Variants in SUSD1 observed in about 807,000 individuals in gnomAD.
The protein encoded by SUSD1 is sushi domain-containing protein 1.
In SUSD1, 65 loss-of-function variants were observed where a neutral mutation model predicts 86.9. That is an observed-to-expected ratio of 0.75 (90% CI 0.61 to 0.92). The LOEUF (loss-of-function observed/expected upper bound fraction) is 0.92. SUSD1 is among the 40% of genes least tolerant of loss of function. The pLI, the probability that SUSD1 is intolerant of heterozygous loss-of-function variation, is 0.00. For synonymous variants in SUSD1, 346 were observed against 350.0 expected (o/e 0.99, Z 0.13); for missense variants, 850 against 929.7 (o/e 0.91, Z 1.11).
chr9:112,170,708 TATAG>T (rs1183204298), intron 1 of SUSD1, among the ~76,000 whole-genome samples: 1,732 of 95,464 alleles, frequency 0.018, 29 homozygotes, highest in African/African-American at 0.075. Context: ...TATATATATA[TATAG>T]AGAGAGAGAG....
chr9:112,050,792 T>C lies in SUSD1; in HGVS notation c.2149+1607A>G, dbSNP rs548500851. Reference sequence around the variant, plus strand: ...TCAAATCCACTGGCTGGCTGCCTGTTGGTTTTAAAGAAATGTACTGTACTG... The same window carrying C: ...TCAAATCCACTGGCTGGCTGCCTGTCGGTTTTAAAGAAATGTACTGTACTG... On this transcript the variant is annotated intron_variant, in intron 15 of 16. Coordinates refer to ENST00000374270, the MANE Select transcript of SUSD1 (RefSeq NM_022486.5). Among the ~76,000 whole-genome samples, 56 of 152,292 alleles carry C rather than the reference T, an allele frequency of 3.7e-4. 1 individual carries two copies. The South Asian group carries it at 0.012, about 32-fold the overall frequency.
At chr9:112,160,017 G>A (rs913183077) in intron 1 of SUSD1, among the ~76,000 whole-genome samples, 4 of 150,114 alleles carry the variant, frequency 2.7e-5, no homozygotes, top group African/African-American at 9.8e-5. Flanking sequence ...GAGAAAAGCA[G>A]GCAGCCAAGA....
intron 8 of SUSD1, among the ~76,000 whole-genome samples, chr9:112,104,176 C>G (rs573897292): frequency 1.1e-4 from 16 of 151,890 alleles, no homozygotes; most frequent in South Asian, 8.4e-4. Flanking sequence ...CCACCAAGCC[C>G]AGCTAATTTT....
intron 10 of SUSD1, among the ~76,000 whole-genome samples, chr9:112,086,564 G>GAA (rs1564282395): frequency 4.8e-5 from 6 of 124,892 alleles, no homozygotes; most frequent in Non-Finnish European, 9.3e-5. Flanking sequence ...GAAAGAAAGA[G>GAA]AGAGAGAGAG....
Position 112,058,463 on chromosome 9 carries a change from A to G in SUSD1, c.2074T>C (p.Cys692Arg), listed in dbSNP as rs557863223. The G allele has an allele frequency of 1.2e-6, 2 of 1,614,154 alleles. No individual in the cohort carries two copies. Among genetic ancestry groups the G allele is most frequent in the South Asian group, 2.2e-5 (2 of 91,076 alleles). Residue 692 changes from cysteine to arginine, a missense_variant, in exon 14 of 17, where the codon TGC (cysteine) becomes CGC (arginine). Physicochemically the swap from Cys to Arg is radical, Grantham distance 180. Transcript: ENST00000374270. The stretch of plus-strand genomic sequence containing the variant: ...TCACTTGTGATTCGTAATATAATGC[A>G]GTAATCACTCCCTCTTTTCAAGGGT... ...NAPLKRGSDY[C>R]IILRITSEWN...
rs534455538 is a variant in SUSD1, at chr9:112,104,117, G to A, written c.1172-1832C>T. ...TGCAACCTCCACCTCCCGGGCTCAAGCAATCCTCCCACCTCAGCCTCCTGA... is the reference window on the plus strand; with the variant it reads ...TGCAACCTCCACCTCCCGGGCTCAAACAATCCTCCCACCTCAGCCTCCTGA... On this transcript the variant is annotated intron_variant, in intron 8 of 16. Coordinates refer to ENST00000374270, the MANE Select transcript of SUSD1 (RefSeq NM_022486.5). Among the ~76,000 whole-genome samples, 3 of 151,910 alleles carry A rather than the reference G, an allele frequency of 2.0e-5. No individual in the cohort carries two copies. In the South Asian group the frequency reaches 6.3e-4, roughly 32 times the overall value.
intron 2 of SUSD1, among the ~76,000 whole-genome samples, chr9:112,152,780 G>T (rs1397860258): frequency 1.0e-5 from 1 of 96,500 alleles, no homozygotes; most frequent in Non-Finnish European, 2.0e-5. Flanking sequence ...TTGTAAACAG[G>T]GTCTTGCATC....
intron 3 of SUSD1, among the ~76,000 whole-genome samples, chr9:112,146,819 A>G (rs1054223173): frequency 2.0e-5 from 3 of 152,086 alleles, no homozygotes; most frequent in African/African-American, 7.2e-5. Context: ...TATTTTTTGT[A>G]AAGATGAAGT....
intron 10 of SUSD1, among the ~76,000 whole-genome samples, chr9:112,090,405 A>C (rs1341625074): frequency 7.2e-5 from 11 of 152,222 alleles, no homozygotes; most frequent in Non-Finnish European, 1.3e-4. Context: ...AGATCATTTC[A>C]TAGAATTTGA....
At position 112,042,559 on chromosome 9, in the gene SUSD1, G is replaced by T. The variant is rs149220522; in HGVS notation, c.2150-599C>A. On this transcript the variant is annotated intron_variant, in intron 15 of 16. Transcript: ENST00000374270. Reference sequence around the variant, plus strand: ...ACATGCCAACTCCAGGGAGATCCCCGATTATAAACTAAAAAACACTCACAG... The same window carrying T: ...ACATGCCAACTCCAGGGAGATCCCCTATTATAAACTAAAAAACACTCACAG... Among the ~76,000 whole-genome samples, 111 of 152,306 alleles carry T rather than the reference G, an allele frequency of 7.3e-4. 1 individual carries two copies. In the East Asian group the frequency reaches 0.021, roughly 28 times the overall value.
At chr9:112,115,824 G>GAAAAAAAAAAGAAAAAAAAAAA (rs11269025) in intron 6 of SUSD1, among the ~76,000 whole-genome samples, 1 of 120,956 alleles carries the variant, frequency 8.3e-6, no homozygotes, top group Non-Finnish European at 1.6e-5. Flanking sequence ...AAAAAAAAAA[G>GAAAAAAAAAAGAAAAAAAAAAA]AAAAAAAAAA....
At chr9:112,143,259 T>C (rs1204967055) in intron 4 of SUSD1, among the ~76,000 whole-genome samples, 1 of 152,024 alleles carries the variant, frequency 6.6e-6, no homozygotes, top group African/African-American at 2.4e-5. Context: ...GTGCTGAGAT[T>C]ACAGAGCTAC....
At chr9:112,066,467 G>C (rs181960096) in intron 12 of SUSD1, among the ~76,000 whole-genome samples, 3 of 152,192 alleles carry the variant, frequency 2.0e-5, no homozygotes, top group Admixed American at 2.0e-4. Flanking sequence ...ACAGCACAGA[G>C]AGTGGCAACA....
intron 12 of SUSD1, among the ~76,000 whole-genome samples, chr9:112,071,270 T>C (rs1829255816): frequency 6.6e-6 from 1 of 152,144 alleles, no homozygotes; most frequent in Non-Finnish European, 1.5e-5. Flanking sequence ...GAGACCAGCC[T>C]GGGCAACATA....
intron 12 of SUSD1, among the ~76,000 whole-genome samples, chr9:112,070,233 T>C (rs898330601): frequency 2.0e-5 from 3 of 152,146 alleles, no homozygotes; most frequent in African/African-American, 7.2e-5. Context: ...CCCGAACTCC[T>C]GACCCCAGGT....
At chr9:112,093,402 C>T (rs1445458246) in intron 10 of SUSD1, among the ~76,000 whole-genome samples, 1 of 152,156 alleles carries the variant, frequency 6.6e-6, no homozygotes, top group East Asian at 1.9e-4. Flanking sequence ...AGGTAAGCAC[C>T]CAGTGTCTGT....
intron 5 of SUSD1, among the ~76,000 whole-genome samples, chr9:112,133,297 C>A (rs1328494648): frequency 3.9e-5 from 6 of 152,174 alleles, no homozygotes; most frequent in Non-Finnish European, 1.5e-5. Flanking sequence ...AGAGGCATTA[C>A]ATTACCAGAC....
At chr9:112,097,364 G>GCT (rs1323540425) in intron 10 of SUSD1, among the ~76,000 whole-genome samples, 24 of 150,794 alleles carry the variant, frequency 1.6e-4, no homozygotes, top group African/African-American at 5.6e-4. Context: ...GTGCTACGTG[G>GCT]CTCTCATGAG....
intron 10 of SUSD1, among the ~76,000 whole-genome samples, chr9:112,083,178 T>A (rs1398777715): frequency 6.6e-6 from 1 of 152,148 alleles, no homozygotes; most frequent in East Asian, 1.9e-4. Context: ...AAACTTCAAA[T>A]ACCTAGAAAT....
Sources: allele counts gnomAD v4.1 joint callset (sites outside exome capture counted in the v4.1 genomes callset), GRCh38; gene constraint gnomAD v4.1.1; transcripts MANE v1.5; gene names NCBI Gene and HGNC (gene_info 2026-07-23, HGNC 2026-07-21).